BANK1: variants seen among roughly 807,000 people sequenced by gnomAD.
The protein encoded by BANK1 is B cell scaffold protein with ankyrin repeats 1, also known as B-cell scaffold protein with ankyrin repeats.
A neutral mutation model predicts 94.5 loss-of-function variants in BANK1; 95 were observed. The ratio of observed to expected loss-of-function variants is 1.00; its 90% CI spans 0.85 to 1.19. The LOEUF (loss-of-function observed/expected upper bound fraction) is 1.19, where lower values mean the gene tolerates loss of function less well. Ranked by LOEUF, BANK1 falls within the 50% of genes most tolerant of loss-of-function variation. BANK1 has a pLI of 0.00. For synonymous variants in BANK1, 334 were observed against 308.4 expected (o/e 1.08, Z -0.87); for missense variants, 987 against 932.2 (o/e 1.06, Z -0.77).
At chr4:101,837,456 T>C (rs183649167) in intron 2 of BANK1, among the ~76,000 whole-genome samples, 9 of 152,326 alleles carry the variant, frequency 5.9e-5, no homozygotes, top group African/African-American at 2.2e-4. Flanking sequence ...TTCAGGTATC[T>C]GATACTTTAC....
intron 14 of BANK1, among the ~76,000 whole-genome samples, chr4:102,072,125 G>A (rs1258945070): frequency 6.6e-6 from 1 of 152,222 alleles, no homozygotes; most frequent in Non-Finnish European, 1.5e-5. Context: ...AGTGACTCCT[G>A]TAGGTCCTCA....
At chr4:101,888,375 G>A (rs1190154192) in intron 5 of BANK1, among the ~76,000 whole-genome samples, 1 of 152,162 alleles carries the variant, frequency 6.6e-6, no homozygotes, top group Non-Finnish European at 1.5e-5. Flanking sequence ...ATGGTTGGCT[G>A]TAGCCCCCTC....
At chr4:101,892,306 T>C (rs551710691) in intron 5 of BANK1, among the ~76,000 whole-genome samples, 1 of 151,570 alleles carries the variant, frequency 6.6e-6, no homozygotes, top group South Asian at 2.1e-4. Flanking sequence ...AGAGTTGTGA[T>C]TTATAAATAC....
chr4:101,913,539 T>TG (rs562846555), intron 6 of BANK1, among the ~76,000 whole-genome samples: 55 of 152,324 alleles, frequency 3.6e-4, no homozygotes, highest in African/African-American at 1.3e-3. Context: ...CCTTAAGCCC[T>TG]GCTTCAACCT....
At chr4:102,053,268 G>C (rs758527785) in intron 11 of BANK1, among the ~76,000 whole-genome samples, 21 of 152,184 alleles carry the variant, frequency 1.4e-4, no homozygotes, top group Non-Finnish European at 2.2e-4. Flanking sequence ...AATGCAGATT[G>C]AGTGGGCTCA....
chr4:101,792,366 G>A (rs1344895558), intron 1 of BANK1, among the ~76,000 whole-genome samples: 3 of 136,490 alleles, frequency 2.2e-5, no homozygotes, highest in East Asian at 4.8e-4. Context: ...TTCTAAAAAC[G>A]AATTGTCTTT....
intron 7 of BANK1, among the ~76,000 whole-genome samples, chr4:102,014,621 C>G (rs968120900): frequency 6.6e-6 from 1 of 151,998 alleles, no homozygotes; most frequent in African/African-American, 2.4e-5. Context: ...TTTGATTTTC[C>G]CAGCTAAATA....
chr4:101,828,383 TTATATATATATATA>T (rs60877981), intron 1 of BANK1, among the ~76,000 whole-genome samples: 40,719 of 142,132 alleles, frequency 0.29, 5,898 homozygotes, highest in Non-Finnish European at 0.31. Context: ...ATGAGTGAAT[TTATATATATATATA>T]TATATATATA....
At chr4:101,839,969 T>A (rs1295329222) in intron 2 of BANK1, among the ~76,000 whole-genome samples, 2,065 of 71,212 alleles carry the variant, frequency 0.029, 222 homozygotes, top group African/African-American at 0.1. Context: ...TTTTTTTTTT[T>A]TTTTTTTTTT....
intron 7 of BANK1, among the ~76,000 whole-genome samples, chr4:101,924,895 C>T (rs968591645): frequency 6.6e-6 from 1 of 151,684 alleles, no homozygotes; most frequent in African/African-American, 2.4e-5. Context: ...ATAATGTAGA[C>T]ATTTGTTATC....
rs570286701 is a variant in BANK1, at chr4:101,841,410, A to G, written c.469+11204A>G. ...AAATTATAAGTATAGGACTAAACTT[A>G]AATGAATATATGAGTATCTTTTTTT... On this transcript the variant is annotated intron_variant, in intron 2 of 16. Transcript: ENST00000322953. 2.2e-4 allele frequency among the ~76,000 whole-genome samples: 33 copies of G among 152,268 alleles called. No homozygotes were observed. In the South Asian group the frequency reaches 6.6e-3, roughly 31 times the overall value.
intron 10 of BANK1, among the ~76,000 whole-genome samples, chr4:102,032,863 C>T (rs1015837020): frequency 1.7e-4 from 25 of 150,514 alleles, no homozygotes; most frequent in African/African-American, 4.4e-4. Context: ...CCAGCCTGAG[C>T]GACAGAGTGA....
intron 2 of BANK1, among the ~76,000 whole-genome samples, chr4:101,835,966 C>T (rs538137777): frequency 6.6e-6 from 1 of 152,274 alleles, no homozygotes; most frequent in African/African-American, 2.4e-5. Context: ...CACATATTTT[C>T]AGTTGAAATC....
Position 102,021,544 on chromosome 4 carries a change from GA to G in BANK1, c.1241del (p.Asn414MetfsTer60). The G allele has an allele frequency of 1.4e-6, 2 of 1,466,582 alleles. No homozygotes were observed. The highest frequency in any genetic ancestry group is 1.4e-5 in the South Asian group (1 of 70,962). 90.8% of individuals were successfully genotyped at this position (1,466,582 alleles called of 1,614,324 possible). A position where few individuals can be genotyped will look rare whatever the true frequency, so the allele number is the denominator to read the frequency against. ...AGAAATTGACATAAATAATGAGCAA[GA>G]AAATGATTATGAAGAGGATATTGCC... ...IQEIDINNEQ[E>X]NDYEEDIASF... On this transcript the variant is annotated frameshift_variant, in exon 8 of 17. Transcript: ENST00000322953. LOFTEE classifies it high-confidence loss of function.
Position 101,828,232 on chromosome 4 carries a change from A to G in BANK1, c.71-1576A>G, listed in dbSNP as rs867778989. ...TTAGACCTGTCCAACCTCCATTATT[A>G]GCATATTTTCTCTAATTTTCAAATA... On this transcript the variant is annotated intron_variant, in intron 1 of 16. Coordinates refer to ENST00000322953, the MANE Select transcript of BANK1 (RefSeq NM_017935.5). Among the ~76,000 whole-genome samples, 131 of 151,772 alleles carry G rather than the reference A, an allele frequency of 8.6e-4. 2 individuals carry two copies. Among genetic ancestry groups the G allele is most frequent in the South Asian group, 1.2e-3 (6 of 4,812 alleles).
intron 7 of BANK1, among the ~76,000 whole-genome samples, chr4:101,968,495 CT>C (rs1005929782): frequency 4.7e-5 from 7 of 150,020 alleles, no homozygotes; most frequent in Admixed American, 2.0e-4. Flanking sequence ...GTACAGAAAA[CT>C]TTTTTTTTTC....
chr4:101,992,917 G>T (rs983851708), intron 7 of BANK1, among the ~76,000 whole-genome samples: 2 of 152,104 alleles, frequency 1.3e-5, no homozygotes, highest in Non-Finnish European at 2.9e-5. Flanking sequence ...AGAACTGAGG[G>T]TTTTCCTAGG....
chr4:101,945,543 A>G (rs1196867949), intron 7 of BANK1, among the ~76,000 whole-genome samples: 1 of 152,002 alleles, frequency 6.6e-6, no homozygotes, highest in Non-Finnish European at 1.5e-5. Context: ...GTAAAAAATG[A>G]CTTAGTAGAC....
At chr4:101,827,049 A>G (rs945330365) in intron 1 of BANK1, among the ~76,000 whole-genome samples, 1 of 151,920 alleles carries the variant, frequency 6.6e-6, no homozygotes, top group African/African-American at 2.4e-5. Context: ...CTTTGTACTC[A>G]TGATAATACT....
Sources: allele counts gnomAD v4.1 joint callset (sites outside exome capture counted in the v4.1 genomes callset), GRCh38; gene constraint gnomAD v4.1.1; transcripts MANE v1.5; gene names NCBI Gene and HGNC (gene_info 2026-07-23, HGNC 2026-07-21).